RIC1: variants seen among roughly 807,000 people sequenced by gnomAD.
The protein encoded by RIC1 is guanine nucleotide exchange factor subunit RIC1.
RIC1 carries 88 observed loss-of-function variants against 169.0 expected under a neutral mutation model. That is an observed-to-expected ratio of 0.52 (90% CI 0.44 to 0.62). RIC1 has a LOEUF of 0.62. Ranked by LOEUF, RIC1 falls within the 20% of genes least tolerant of loss-of-function variation. The pLI is 0.00. For missense variants in RIC1, 1,877 were observed against 1,725.5 expected (o/e 1.09, Z -1.56); for synonymous variants, 790 against 601.5 (o/e 1.31, Z -4.59).
In RIC1 at chr9:5,763,505, C is replaced by A; in HGVS notation, c.2478C>A (p.Ile826=). 6.2e-7 allele frequency: 1 copy of A among 1,614,188 alleles called. No homozygotes were observed. ...GTGTTGTGGAGAGAACCTCTCAGAT[C>A]TACCTCCACCACATTCTACGTCAAC... ...PFCVVERTSQ[I]YLHHILRQLL... Residue 826 remains isoleucine (I), a synonymous_variant, in exon 19 of 26, where the codon ATC becomes ATA. Transcript: ENST00000414202. The surrounding 1 kb of genome is among the most constrained non-coding windows in gnomAD (Gnocchi z 5.2).
At chr9:5,684,869 C>G (rs901036979) in intron 2 of RIC1, among the ~76,000 whole-genome samples, 3 of 152,100 alleles carry the variant, frequency 2.0e-5, no homozygotes, top group Non-Finnish European at 4.4e-5. Flanking sequence ...AATTTTTAAT[C>G]AGGAATGGAT....
intron 6 of RIC1, among the ~76,000 whole-genome samples, chr9:5,721,676 G>C (rs1371464482): frequency 6.6e-6 from 1 of 152,048 alleles, no homozygotes; most frequent in Non-Finnish European, 1.5e-5. Context: ...TTTTCACTGG[G>C]GACCCTTGGC....
chr9:5,696,950 A>T (rs1030286548), intron 3 of RIC1, among the ~76,000 whole-genome samples: 2 of 152,112 alleles, frequency 1.3e-5, no homozygotes, highest in African/African-American at 4.8e-5. Context: ...AGCCCTTCTG[A>T]AGTCCACTGA....
At chr9:5,742,206 A>G (rs879271572) in intron 8 of RIC1, among the ~76,000 whole-genome samples, 12 of 152,042 alleles carry the variant, frequency 7.9e-5, no homozygotes, top group Admixed American at 4.6e-4. Context: ...TTACATGGGT[A>G]TCTTTTGTTA....
intron 7 of RIC1, 91 bp downstream of exon 7, chr9:5,732,570 T>C: frequency 1.4e-6 from 1 of 705,302 alleles, no homozygotes; most frequent in Non-Finnish European, 2.4e-6. Context: ...CCTAACATAC[T>C]TATAAACTGC....
rs145744098 is a variant in RIC1, at chr9:5,701,310, G to C, written c.332+11272G>C. Among the ~76,000 whole-genome samples the C allele has an allele frequency of 8.0e-3, 1,222 of 152,244 alleles. 14 individuals are homozygous for C. The highest frequency in any genetic ancestry group is 0.029 in the African/African-American group (1,184 of 41,536). On this transcript the variant is annotated intron_variant, in intron 3 of 25. Coordinates refer to ENST00000414202, the MANE Select transcript of RIC1 (RefSeq NM_020829.4). ...TATATCGATTTAAATGCAAAGTGTA[G>C]CTTAGAAATAAATGTTTGGGCTGGG...
At chr9:5,656,079 C>A (rs1461163538) in intron 1 of RIC1, among the ~76,000 whole-genome samples, 1 of 151,862 alleles carries the variant, frequency 6.6e-6, no homozygotes, top group Non-Finnish European at 1.5e-5. Context: ...ACTGTGTTAG[C>A]CAGGATGGTC....
At chr9:5,725,813 T>C (rs570503220) in intron 6 of RIC1, among the ~76,000 whole-genome samples, 99 of 152,358 alleles carry the variant, frequency 6.5e-4, no homozygotes, top group African/African-American at 2.3e-3. Flanking sequence ...CATTTCGTTA[T>C]GTACCCAGTA....
At chr9:5,745,815 C>T (rs924596146) in intron 10 of RIC1, 116 bp from the exon 11 acceptor site, 2 of 863,788 alleles carry the variant, frequency 2.3e-6, no homozygotes, top group African/African-American at 3.4e-5. Flanking sequence ...CCAACCTTCA[C>T]AAATCATTAA....
chr9:5,705,610 C>T (rs1442312424), intron 3 of RIC1, among the ~76,000 whole-genome samples: 2 of 151,858 alleles, frequency 1.3e-5, no homozygotes, highest in Admixed American at 6.6e-5. Context: ...TTTTCCGTTT[C>T]TGTTGGATGA....
rs75633637 is a variant in RIC1 at position 5,657,957 on chromosome 9, T to C, written c.252+1267T>C. On this transcript the variant is annotated intron_variant, in intron 2 of 25. Transcript: ENST00000414202. ...TCCTCACTGATTTATGTATTGTCTG[T>C]AACTTCTTTCAAGCTACAATAGCAG... Among the ~76,000 whole-genome samples the C allele has an allele frequency of 8.6e-3, 1,305 of 152,292 alleles. 15 individuals carry two copies. The highest frequency in any genetic ancestry group is 0.029 in the African/African-American group (1,226 of 41,592).
At chr9:5,730,503 A>T (rs1042136209) in intron 6 of RIC1, among the ~76,000 whole-genome samples, 1 of 152,214 alleles carries the variant, frequency 6.6e-6, no homozygotes, top group African/African-American at 2.4e-5. Context: ...TTAAAGGGCA[A>T]ATAATGTAGG....
chr9:5,710,267 A>C (rs2130813164), intron 3 of RIC1, among the ~76,000 whole-genome samples: 1 of 152,316 alleles, frequency 6.6e-6, no homozygotes, highest in East Asian at 1.9e-4. Context: ...CTGAATAAGG[A>C]TTCCTATGTT....
chr9:5,629,695 G>C (rs1216166958), intron 1 of RIC1, among the ~76,000 whole-genome samples: 1 of 151,814 alleles, frequency 6.6e-6, no homozygotes, highest in Non-Finnish European at 1.5e-5. Context: ...GAGCCTCCCC[G>C]CGTTGGACCG....
chr9:5,656,356 G>T (rs1819097088), intron 1 of RIC1, among the ~76,000 whole-genome samples: 1 of 152,036 alleles, frequency 6.6e-6, no homozygotes. Flanking sequence ...TTCTGTTTTG[G>T]ATGATTATTA....
At chr9:5,658,454 A>C (rs1819243268) in intron 2 of RIC1, among the ~76,000 whole-genome samples, 1 of 152,120 alleles carries the variant, frequency 6.6e-6, no homozygotes, top group South Asian at 2.1e-4. Context: ...ATAAATTGAC[A>C]GATGTTATAA....
At chr9:5,715,434 C>G (rs1032374366) in intron 4 of RIC1, among the ~76,000 whole-genome samples, 4 of 152,192 alleles carry the variant, frequency 2.6e-5, no homozygotes, top group African/African-American at 9.6e-5. Flanking sequence ...GGTTGGAAAT[C>G]TGTAAGGTTT....
At position 5,656,576 on chromosome 9, in the gene RIC1, C is replaced by G. The variant is rs747565298; in HGVS notation, c.145-7C>G. 1 of 1,344,506 alleles carries G rather than the reference C, an allele frequency of 7.4e-7. No homozygotes were observed. Among genetic ancestry groups the G allele is most frequent in the South Asian group, 1.6e-5 (1 of 62,844 alleles). The allele number at this position is 1,344,506 out of a possible 1,614,324, so 83.3% of individuals were successfully genotyped here. A position where few individuals can be genotyped will look rare whatever the true frequency, so the allele number is the denominator to read the frequency against. ...AATACAACTTTTTTTTTTTTTTAAT[C>G]ACACAGCCTAGTGTGTTAATTGTAA... On this transcript the variant is annotated splice_polypyrimidine_tract_variant and splice_region_variant and intron_variant, in intron 1 of 25. Transcript: ENST00000414202.
In RIC1 at chr9:5,652,532, C is replaced by T. The variant is rs547344476; in HGVS notation, c.145-4051C>T. ...TCACTATTAGTGTATAGAGGCATTA[C>T]TGGTTTTTGTATATTGATTTTGTAT... On this transcript the variant is annotated intron_variant, in intron 1 of 25. Coordinates refer to ENST00000414202, the MANE Select transcript of RIC1 (RefSeq NM_020829.4). 5.3e-5 allele frequency among the ~76,000 whole-genome samples: 8 copies of T among 152,004 alleles called. 1 individual carries two copies. The highest frequency in any genetic ancestry group is 4.6e-4 in the Admixed American group (7 of 15,266).
Sources: gnomAD v4.1 joint callset for allele counts (sites outside exome capture counted in the v4.1 genomes callset) on GRCh38, gnomAD v4.1.1 for gene constraint, Gnocchi (gnomAD v3.1) non-coding constraint, MANE v1.5 for transcripts, NCBI Gene and HGNC (gene_info 2026-07-23, HGNC 2026-07-21) for gene names.